EPN1: variants seen among roughly 807,000 people sequenced by gnomAD.
EPN1 encodes epsin 1.
Under a neutral mutation model 56.9 loss-of-function variants are expected in EPN1, and 25 were observed. The ratio of observed to expected loss-of-function variants is 0.44; its 90% CI spans 0.32 to 0.61. EPN1 has a LOEUF of 0.61. Among genes scored for constraint, EPN1 ranks in the 20% least tolerant of loss-of-function variants. EPN1 has a pLI of 0.05. For missense variants in EPN1, 785 were observed against 823.7 expected, an observed-to-expected ratio of 0.95 and a Z score of 0.58; for synonymous variants, 411 against 361.8, an observed-to-expected ratio of 1.14 and a Z score of -1.54.
At chr19:55,680,381 G>A (rs1416379818) in intron 2 of EPN1, among the ~76,000 whole-genome samples, 1 of 152,112 alleles carries the variant, frequency 6.6e-6, no homozygotes, top group African/African-American at 2.4e-5. Flanking sequence ...CATCCCTGCA[G>A]CATCTCTTGA....
chr19:55,681,543 A>G (rs138624178), intron 2 of EPN1, among the ~76,000 whole-genome samples: 21 of 152,330 alleles, frequency 1.4e-4, no homozygotes, highest in African/African-American at 5.1e-4. Flanking sequence ...GTTTTATTGG[A>G]ACACAGCCAG....
intron 3 of EPN1, among the ~76,000 whole-genome samples, chr19:55,686,512 C>G (rs1986178681): frequency 6.6e-6 from 1 of 152,116 alleles, no homozygotes; most frequent in African/African-American, 2.4e-5. Flanking sequence ...GGCCTGTGGC[C>G]CTCGTGGGGT....
Position 55,708,521 on chromosome 19 carries a change from A to G in EPN1, c.*13165A>G, listed in dbSNP as rs1329576433. The G allele has an allele frequency of 6.4e-6, 1 of 157,146 alleles. No individual in the cohort carries two copies. Among genetic ancestry groups the G allele is most frequent in the Non-Finnish European group, 1.4e-5 (1 of 71,532 alleles). 9.7% of individuals were successfully genotyped at this position (157,146 alleles called of 1,614,324 possible). A position where few individuals can be genotyped will look rare whatever the true frequency, so the allele number is the denominator to read the frequency against. The stretch of plus-strand genomic sequence containing the variant: ...AGAAAGTCTGGATGCTAGCAATACA[A>G]TCTATAGACACATTCTAGCATCACT... On this transcript the variant is annotated 3_prime_UTR_variant, in exon 11 of 11. Transcript: ENST00000270460.
At chr19:55,685,707 G>C (rs1010793737) in intron 3 of EPN1, 62 bp downstream of exon 3, 3 of 1,530,164 alleles carry the variant, frequency 2.0e-6, no homozygotes, top group African/African-American at 1.4e-5. Context: ...TGCGGCTCCC[G>C]GCACCCGGCC....
In EPN1 at chr19:55,691,415, C is replaced by T. The variant is rs1025240579; in HGVS notation, c.763-339C>T. Among the ~76,000 whole-genome samples, 27 of 151,814 alleles carry T rather than the reference C, an allele frequency of 1.8e-4. No individual in the cohort carries two copies. Among genetic ancestry groups the T allele is most frequent in the Non-Finnish European group, 3.1e-4 (21 of 67,904 alleles). On this transcript the variant is annotated intron_variant, in intron 6 of 10. Transcript: ENST00000270460. This position sits in a 1 kb window ranked among gnomAD's most constrained non-coding sequence, Gnocchi z 5.6. ...AGCGAGGGGAGGGCTTGGCCTCCAT[C>T]CTCAGTCAGGGCCGGGCAAGGACCT... is the stretch of plus-strand genomic sequence containing the variant.
chr19:55,686,030 A>T (rs1257436141), intron 3 of EPN1, among the ~76,000 whole-genome samples: 1 of 152,148 alleles, frequency 6.6e-6, no homozygotes, highest in African/African-American at 2.4e-5. Flanking sequence ...GGAACATCGG[A>T]GAGGCAGAGG....
At position 55,689,182 on chromosome 19, in the gene EPN1, C is replaced by T. The variant is rs1285411222; in HGVS notation, c.604-115C>T. ...TGCGTGTCACTCTCTGCCTGTCCCT[C>T]ACTGGTTCAGGGACCCCCAGCCCTC... On this transcript the variant is annotated intron_variant, in intron 4 of 10. Transcript: ENST00000270460. The surrounding 1 kb of genome is among the most constrained non-coding windows in gnomAD (Gnocchi z 5.7). 21 of 1,126,354 alleles carry T rather than the reference C, an allele frequency of 1.9e-5. No homozygotes were observed. Among genetic ancestry groups the T allele is most frequent in the Non-Finnish European group, 2.4e-5 (19 of 783,732 alleles). 69.8% of individuals were successfully genotyped at this position (1,126,354 alleles called of 1,614,324 possible). A position where few individuals can be genotyped will look rare whatever the true frequency, so the allele number is the denominator to read the frequency against.
intron 3 of EPN1, among the ~76,000 whole-genome samples, chr19:55,686,539 G>A (rs955688058): frequency 5.3e-5 from 8 of 152,134 alleles, no homozygotes; most frequent in African/African-American, 9.7e-5. Flanking sequence ...CGAGGGACTG[G>A]ACTTGTTTGG....
At position 55,689,800 on chromosome 19, in the gene EPN1, G is replaced by C; in HGVS notation, c.679-67G>C. On this transcript the variant is annotated intron_variant, in intron 5 of 10. Transcript: ENST00000270460. This position sits in a 1 kb window ranked among gnomAD's most constrained non-coding sequence, Gnocchi z 5.7. The stretch of plus-strand genomic sequence containing the variant: ...GTGGGAGGGGTTGCTGGGGCTTCCA[G>C]GCTGAGGTGGCATCTGCCCGTGGCT... 6.8e-7 allele frequency: 1 copy of C among 1,471,406 alleles called. No homozygotes were observed. The highest frequency in any genetic ancestry group is 9.3e-7 in the Non-Finnish European group (1 of 1,075,172). The allele number at this position is 1,471,406 out of a possible 1,614,324, so 91.1% of individuals were successfully genotyped here.
At chr19:55,682,671 G>A (rs1018345520) in intron 2 of EPN1, among the ~76,000 whole-genome samples, 15 of 152,228 alleles carry the variant, frequency 9.9e-5, no homozygotes, top group East Asian at 7.7e-4. Flanking sequence ...GGACTCAAGC[G>A]ATCCACCGAC....
chr19:55,693,864 TG>T (rs1466186202), intron 9 of EPN1, among the ~76,000 whole-genome samples: 1 of 152,164 alleles, frequency 6.6e-6, no homozygotes, highest in Non-Finnish European at 1.5e-5. Context: ...GGCCCTTTTT[TG>T]TCCCATACAA....
chr19:55,683,562 A>T (rs1985969127), intron 2 of EPN1, among the ~76,000 whole-genome samples: 1 of 152,208 alleles, frequency 6.6e-6, no homozygotes, highest in Admixed American at 6.5e-5. Context: ...CATGTTGGCC[A>T]GGCTGGTCTC....
At position 55,689,777 on chromosome 19, in the gene EPN1, G is replaced by A; in HGVS notation, c.679-90G>A. ...ATCCTTCAGCCGCTTTCGTTGGGGT[G>A]GGAGGGGTTGCTGGGGCTTCCAGGC... On this transcript the variant is annotated intron_variant, in intron 5 of 10. Transcript: ENST00000270460. The surrounding 1 kb of genome is among the most constrained non-coding windows in gnomAD (Gnocchi z 5.7). 1 of 1,199,196 alleles carries A rather than the reference G, an allele frequency of 8.3e-7. No individual in the cohort carries two copies. Among genetic ancestry groups the A allele is most frequent in the Non-Finnish European group, 1.2e-6 (1 of 830,414 alleles). The allele number at this position is 1,199,196 out of a possible 1,614,324, so 74.3% of individuals were successfully genotyped here. A position where few individuals can be genotyped will look rare whatever the true frequency, so the allele number is the denominator to read the frequency against.
intron 2 of EPN1, among the ~76,000 whole-genome samples, chr19:55,680,272 CA>C (rs747144180): frequency 3.3e-5 from 5 of 152,200 alleles, no homozygotes; most frequent in African/African-American, 7.2e-5. Context: ...TCATCACAGT[CA>C]AGGCATAGAA....
At chr19:55,688,846 A>T in intron 3 of EPN1, 24 bp from the exon 4 acceptor site, 1 of 1,567,800 alleles carries the variant, frequency 6.4e-7, no homozygotes, top group Non-Finnish European at 8.6e-7. Context: ...TCTGGGTCTC[A>T]CGCGTTTCTC....
In EPN1 at chr19:55,707,470, G is replaced by A. The variant is rs1025480688; in HGVS notation, c.*12114G>A. On this transcript the variant is annotated 3_prime_UTR_variant, in exon 11 of 11. Transcript: ENST00000270460. ...TGGAATATGACAGTGTCTCTATTTC[G>A]GGTAAAGGAAAGACCAAAATAACTT... 13 of 152,480 alleles carry A rather than the reference G, an allele frequency of 8.5e-5. No individual in the cohort carries two copies. The highest frequency in any genetic ancestry group is 3.1e-4 in the African/African-American group (13 of 41,430). The allele number at this position is 152,480 out of a possible 1,614,324, so 9.4% of individuals were successfully genotyped here. A position where few individuals can be genotyped will look rare whatever the true frequency, so the allele number is the denominator to read the frequency against.
intron 2 of EPN1, 120 bp downstream of exon 2, chr19:55,678,975 A>C: frequency 1.5e-6 from 1 of 674,400 alleles, no homozygotes; most frequent in South Asian, 1.9e-5. Flanking sequence ...GGAGAAGAGT[A>C]AAATCTCTCT....
At chr19:55,677,610 C>T (rs773053554) in intron 1 of EPN1, 5 of 1,551,550 alleles carry the variant, frequency 3.2e-6, no homozygotes. Flanking sequence ...TGAGCGAGCA[C>T]CTGGCACACA....
chr19:55,675,825 C>T (rs1985371327), intron 1 of EPN1, among the ~76,000 whole-genome samples: 1 of 152,124 alleles, frequency 6.6e-6, no homozygotes, highest in Admixed American at 6.5e-5. Context: ...CTAGCCCTTC[C>T]CTGCGGGCTT....
Sources: allele counts gnomAD v4.1 joint callset (sites outside exome capture counted in the v4.1 genomes callset), GRCh38; gene constraint gnomAD v4.1.1; non-coding constraint Gnocchi (gnomAD v3.1); transcripts MANE v1.5; gene names NCBI Gene and HGNC (gene_info 2026-07-23, HGNC 2026-07-21).